STK26: variants seen among roughly 807,000 people sequenced by gnomAD.
STK26 encodes serine/threonine kinase 26, also known as serine/threonine-protein kinase 26.
In STK26, 14 loss-of-function variants were observed where a neutral mutation model predicts 34.7. That is an observed-to-expected ratio of 0.40 (90% confidence interval 0.27 to 0.63). The LOEUF is 0.63. Ranked by LOEUF, STK26 falls within the 30% of genes least tolerant of loss-of-function variation. The probability of loss-of-function intolerance (pLI) is 0.38; values close to 1 mark genes in which losing one functional copy is unlikely to be tolerated. For synonymous variants in STK26, 100 were observed against 109.8 expected (o/e 0.91, Z 0.56); for missense variants, 226 against 309.1 (o/e 0.73, Z 2.02).
chrX:132,059,743 G>GT (rs1352531757), intron 3 of STK26, among the ~76,000 whole-genome samples: 1 of 110,448 alleles, frequency 9.1e-6, no homozygotes, highest in Admixed American at 9.7e-5. Context: ...TTCTGTGTAT[G>GT]TTAAGGAAAT....
chrX:132,032,668 T>C (rs911892484), intron 2 of STK26, among the ~76,000 whole-genome samples: 3 of 111,660 alleles, frequency 2.7e-5, no homozygotes, highest in African/African-American at 9.8e-5. Flanking sequence ...CAACCATCAA[T>C]GGGGTTTTTT....
intron 3 of STK26, among the ~76,000 whole-genome samples, chrX:132,062,359 G>A (rs1602772269): frequency 8.9e-6 from 1 of 112,150 alleles, no homozygotes; most frequent in Non-Finnish European, 1.9e-5. Flanking sequence ...TTAACTGATG[G>A]TACTGAATGG....
intron 8 of STK26, among the ~76,000 whole-genome samples, 159 bp from the exon 9 acceptor site, chrX:132,072,109 G>T (rs1331954012): frequency 9.0e-6 from 1 of 111,699 alleles, no homozygotes; most frequent in Non-Finnish European, 1.9e-5. Flanking sequence ...GTAGTAAAAT[G>T]TAGTATTCGC....
chrX:132,033,052 A>G (rs751628451), intron 2 of STK26, among the ~76,000 whole-genome samples: 53 of 111,431 alleles, frequency 4.8e-4, no homozygotes, highest in Admixed American at 3.1e-3. Flanking sequence ...TTTACAGTAT[A>G]TTATATTAAG....
chrX:132,026,499 T>G (rs901057153), intron 2 of STK26, among the ~76,000 whole-genome samples: 6 of 111,583 alleles, frequency 5.4e-5, no homozygotes, highest in Non-Finnish European at 9.4e-5. Context: ...AAAGTACAAC[T>G]TAAAAAAAAA....
intron 2 of STK26, 111 bp from the exon 3 acceptor site, chrX:132,054,520 A>G (rs934058332): frequency 4.5e-6 from 3 of 665,497 alleles, no homozygotes; most frequent in Non-Finnish European, 6.7e-6. Context: ...AGGAGTTTGT[A>G]TGCTTTTACA....
At chrX:132,070,938 A>G in intron 7 of STK26, 131 bp from the exon 8 acceptor site, 1 of 631,145 alleles carries the variant, frequency 1.6e-6, no homozygotes, top group South Asian at 4.7e-5. Context: ...ACAGCATTTT[A>G]GTTGTTCTTA....
At chrX:132,051,494 A>T (rs1391112185) in intron 2 of STK26, among the ~76,000 whole-genome samples, 1 of 111,688 alleles carries the variant, frequency 9.0e-6, no homozygotes, top group Non-Finnish European at 1.9e-5. Context: ...ACTACAGAAC[A>T]TAGAGCTCTT....
intron 2 of STK26, among the ~76,000 whole-genome samples, chrX:132,044,740 GATCTATATATATATTTATATAT>G (rs1926411638): frequency 7.6e-5 from 5 of 66,197 alleles, no homozygotes; most frequent in Admixed American, 1.6e-4. Flanking sequence ...TATATAGAGA[GATCTATATATATATTTATATAT>G]ATATAGAGAG....
intron 2 of STK26, among the ~76,000 whole-genome samples, chrX:132,048,368 T>G (rs186975558): frequency 2.0e-4 from 22 of 111,991 alleles, no homozygotes; most frequent in Admixed American, 1.1e-3. Context: ...AGAGTAGACA[T>G]TAGACAATTG....
intron 2 of STK26, among the ~76,000 whole-genome samples, chrX:132,027,444 C>T (rs183111724): frequency 8.9e-6 from 1 of 112,036 alleles, no homozygotes; most frequent in Non-Finnish European, 1.9e-5. Flanking sequence ...AATGCCTTTT[C>T]AAGTTACAAT....
At position 132,046,044 on chromosome X, in the gene STK26, G is replaced by A. The variant is rs181735314; in HGVS notation, c.43-8587G>A. On this transcript the variant is annotated intron_variant, in intron 2 of 11. Transcript: ENST00000394334. ...AAGGAAAGTTATTAAATTTATTCTCGTTCTTTCCATATTTCATTTTTCTTT... is the reference window on the plus strand; with the variant it reads ...AAGGAAAGTTATTAAATTTATTCTCATTCTTTCCATATTTCATTTTTCTTT... 3.2e-4 allele frequency among the ~76,000 whole-genome samples: 36 copies of A among 111,689 alleles called. No individual in the cohort carries two copies. The East Asian group carries it at 6.7e-3, about 21-fold the overall frequency.
At chrX:132,031,601 G>A (rs1014400137) in intron 2 of STK26, among the ~76,000 whole-genome samples, 6 of 111,682 alleles carry the variant, frequency 5.4e-5, no homozygotes, top group Admixed American at 9.5e-5. Context: ...CTCCAGTTCC[G>A]TCCATGTTGC....
At chrX:132,053,195 G>T (rs1489004449) in intron 2 of STK26, among the ~76,000 whole-genome samples, 1 of 111,980 alleles carries the variant, frequency 8.9e-6, no homozygotes, top group Non-Finnish European at 1.9e-5. Flanking sequence ...TTCCATGTGG[G>T]TACTGGAGGT....
intron 2 of STK26, among the ~76,000 whole-genome samples, chrX:132,034,079 A>G (rs1161666988): frequency 1.9e-5 from 2 of 104,257 alleles, no homozygotes; most frequent in Non-Finnish European, 3.9e-5. Context: ...CAATGTGCAC[A>G]TGTTCCCTAA....
At chrX:132,052,025 T>C (rs1926710006) in intron 2 of STK26, among the ~76,000 whole-genome samples, 1 of 110,896 alleles carries the variant, frequency 9.0e-6, no homozygotes, top group African/African-American at 3.3e-5. Context: ...AATTTCAGTA[T>C]TCTTAAAAGA....
chrX:132,056,758 G>A (rs777233823), intron 3 of STK26, among the ~76,000 whole-genome samples: 1 of 112,672 alleles, frequency 8.9e-6, no homozygotes, highest in Non-Finnish European at 1.9e-5. Context: ...GCTGCACAGA[G>A]CTACAGTGGC....
intron 3 of STK26, among the ~76,000 whole-genome samples, chrX:132,058,669 G>A (rs1447582876): frequency 9.0e-6 from 1 of 111,034 alleles, no homozygotes; most frequent in Non-Finnish European, 1.9e-5. Context: ...TTTTTTGTTT[G>A]TCCCAAATTT....
intron 2 of STK26, among the ~76,000 whole-genome samples, chrX:132,050,006 C>T (rs1478634403): frequency 9.0e-6 from 1 of 111,241 alleles, no homozygotes; most frequent in African/African-American, 3.3e-5. Context: ...TGTTTTCACT[C>T]TCAGTCCCAG....
Sources: allele counts gnomAD v4.1 joint callset (sites outside exome capture counted in the v4.1 genomes callset), GRCh38; gene constraint gnomAD v4.1.1; transcripts MANE v1.5; gene names NCBI Gene and HGNC (gene_info 2026-07-23, HGNC 2026-07-21).